UTRN: variants seen among roughly 807,000 people sequenced by gnomAD.
UTRN encodes the protein dystrophin-related protein 1.
In UTRN, 283 loss-of-function variants were observed where a neutral mutation model predicts 463.9. The ratio of observed to expected loss-of-function variants is 0.61; its 90% CI spans 0.55 to 0.67. UTRN has a LOEUF of 0.67. Ranked by LOEUF, UTRN falls within the 30% of genes least tolerant of loss-of-function variation. The pLI is 0.00. For missense variants in UTRN, 3,922 were observed against 4,084.3 expected (o/e 0.96, Z 1.08); for synonymous variants, 1,442 against 1,431.5 (o/e 1.01, Z -0.17).
chr6:144,586,547 A>C (rs1802485586), intron 51 of UTRN, among the ~76,000 whole-genome samples: 1 of 152,170 alleles, frequency 6.6e-6, no homozygotes, highest in African/African-American at 2.4e-5. Context: ...GATGTAAATG[A>C]TTTGAAAAAT....
intron 51 of UTRN, among the ~76,000 whole-genome samples, chr6:144,589,380 A>G (rs1802781372): frequency 6.6e-6 from 1 of 152,216 alleles, no homozygotes; most frequent in African/African-American, 2.4e-5. Flanking sequence ...ATATTATATT[A>G]TCTTGTGTCC....
chr6:144,439,704 T>G (rs1029279647), intron 12 of UTRN, among the ~76,000 whole-genome samples: 1 of 152,176 alleles, frequency 6.6e-6, no homozygotes, highest in East Asian at 1.9e-4. Flanking sequence ...GGTTTCACCA[T>G]GTTGGCCAGG....
intron 2 of UTRN, among the ~76,000 whole-genome samples, chr6:144,350,756 G>A (rs551212587): frequency 4.5e-4 from 69 of 152,264 alleles, no homozygotes; most frequent in Non-Finnish European, 8.4e-4. Context: ...GATTCCAAGG[G>A]AAATTCCTAC....
chr6:144,461,557 CCTT>C lies in UTRN; in HGVS notation c.2853+218_2853+220del, dbSNP rs147065185. ...TTCATAGAAGAAAAGCATATTTTCT[CCTT>C]CTGCTGTGATTAGCTTAAAATTCTC... On this transcript the variant is annotated intron_variant, in intron 22 of 74. Coordinates refer to ENST00000367545, the MANE Select transcript of UTRN (RefSeq NM_007124.3). Among the ~76,000 whole-genome samples, 301 of 152,314 alleles carry C rather than the reference CCTT, an allele frequency of 2.0e-3. 8 individuals are homozygous for C. In the East Asian group the frequency reaches 0.046, roughly 23 times the overall value.
chr6:144,659,174 G>A (rs1434480703), intron 51 of UTRN, among the ~76,000 whole-genome samples: 1 of 152,194 alleles, frequency 6.6e-6, no homozygotes, highest in African/African-American at 2.4e-5. Context: ...GCTCCCAACT[G>A]GAACATGGAA....
At chr6:144,656,587 A>G (rs1285017938) in intron 51 of UTRN, among the ~76,000 whole-genome samples, 1 of 152,148 alleles carries the variant, frequency 6.6e-6, no homozygotes, top group Non-Finnish European at 1.5e-5. Flanking sequence ...AATGGAAAGT[A>G]CACTTTATCT....
chr6:144,537,755 C>A, intron 44 of UTRN, 38 bp downstream of exon 44: 1 of 1,594,410 alleles, frequency 6.3e-7, no homozygotes, highest in South Asian at 1.1e-5. Context: ...CTTTTGGTGC[C>A]CGAACATTAT....
intron 54 of UTRN, among the ~76,000 whole-genome samples, chr6:144,732,239 C>CATATAT (rs71810800): frequency 6.0e-5 from 7 of 116,052 alleles, no homozygotes; most frequent in South Asian, 6.3e-4. Context: ...TATATATATA[C>CATATAT]ATATATATAT....
chr6:144,739,003 G>A (rs1789753219), intron 54 of UTRN, among the ~76,000 whole-genome samples: 1 of 152,158 alleles, frequency 6.6e-6, no homozygotes, highest in Non-Finnish European at 1.5e-5. Flanking sequence ...ATATAGTTGT[G>A]TATGAATGTA....
chr6:144,542,877 T>C lies in UTRN; in HGVS notation c.6595+7T>C. Reference sequence around the variant, plus strand: ...TCACAGACAAGGATTGCTGGTAAGATATGTTTATCTTTAACAAAGTTTTTT... The same window carrying C: ...TCACAGACAAGGATTGCTGGTAAGACATGTTTATCTTTAACAAAGTTTTTT... On this transcript the variant is annotated splice_region_variant and intron_variant, in intron 46 of 74. Transcript: ENST00000367545. 1 of 1,606,924 alleles carries C rather than the reference T, an allele frequency of 6.2e-7. No homozygotes were observed. Among genetic ancestry groups the C allele is most frequent in the Non-Finnish European group, 8.5e-7 (1 of 1,177,012 alleles).
chr6:144,329,501 A>G lies in UTRN; in HGVS notation c.79+37594A>G, dbSNP rs550314408. ...CTGTTTCATTAGTGTGTTCAGTAAG[A>G]ACTTCTAGCATCTCTAACCTCTCTA... On this transcript the variant is annotated intron_variant, in intron 2 of 74. Coordinates refer to ENST00000367545, the MANE Select transcript of UTRN (RefSeq NM_007124.3). Among the ~76,000 whole-genome samples the G allele has an allele frequency of 2.6e-5, 4 of 152,332 alleles. No homozygotes were observed. The South Asian group carries it at 8.3e-4, about 32-fold the overall frequency.
At chr6:144,515,770 A>G (rs1795561012) in intron 37 of UTRN, among the ~76,000 whole-genome samples, 2 of 152,236 alleles carry the variant, frequency 1.3e-5, no homozygotes, top group Admixed American at 6.5e-5. Context: ...TGACATTGAG[A>G]AATATGCACT....
At chr6:144,645,939 A>G (rs1778251759) in intron 51 of UTRN, among the ~76,000 whole-genome samples, 1 of 152,208 alleles carries the variant, frequency 6.6e-6, no homozygotes, top group South Asian at 2.1e-4. Flanking sequence ...CCTTTATTGA[A>G]AACATATTAT....
intron 51 of UTRN, among the ~76,000 whole-genome samples, chr6:144,619,072 T>A (rs1056125880): frequency 1.3e-5 from 2 of 152,278 alleles, no homozygotes; most frequent in Admixed American, 6.5e-5. Flanking sequence ...CCCATTATTT[T>A]AGATATAATT....
intron 52 of UTRN, among the ~76,000 whole-genome samples, chr6:144,693,146 G>C (rs182978103): frequency 3.9e-5 from 6 of 152,006 alleles, no homozygotes; most frequent in Non-Finnish European, 7.4e-5. Context: ...TATTGAATAG[G>C]GAATCATTTC....
intron 53 of UTRN, among the ~76,000 whole-genome samples, chr6:144,703,953 G>C (rs1343046521): frequency 1.3e-5 from 2 of 152,110 alleles, no homozygotes; most frequent in Non-Finnish European, 2.9e-5. Context: ...TTATTATTCA[G>C]CATGTTCTAT....
chr6:144,342,005 G>A (rs1777170476), intron 2 of UTRN, among the ~76,000 whole-genome samples: 1 of 152,164 alleles, frequency 6.6e-6, no homozygotes, highest in Non-Finnish European at 1.5e-5. Context: ...CTGACTAGGT[G>A]GTGCCCACGC....
At chr6:144,804,394 A>G (rs1467389904) in intron 65 of UTRN, among the ~76,000 whole-genome samples, 4 of 152,210 alleles carry the variant, frequency 2.6e-5, no homozygotes. Context: ...TATTCACTCA[A>G]CAAATTAATA....
chr6:144,718,889 C>T (rs745932274), intron 53 of UTRN, among the ~76,000 whole-genome samples: 42 of 152,332 alleles, frequency 2.8e-4, no homozygotes, highest in Non-Finnish European at 5.7e-4. Context: ...GCAGCTCATG[C>T]TGGTGGTGCA....
Sources: allele counts gnomAD v4.1 joint callset (sites outside exome capture counted in the v4.1 genomes callset), GRCh38; gene constraint gnomAD v4.1.1; transcripts MANE v1.5; gene names NCBI Gene and HGNC (gene_info 2026-07-23, HGNC 2026-07-21).